OLFML1: variants seen among roughly 807,000 people sequenced by gnomAD.
OLFML1 encodes olfactomedin like 1, also known as olfactomedin-like protein 1.
OLFML1 carries 33 observed loss-of-function variants against 37.3 expected under a neutral mutation model. The ratio of observed to expected loss-of-function variants is 0.88; its 90% CI spans 0.67 to 1.18. The LOEUF is 1.18. Ranked by LOEUF, OLFML1 falls within the 50% of genes most tolerant of loss-of-function variation. The pLI, the probability that OLFML1 is intolerant of heterozygous loss-of-function variation, is 0.00. For missense variants in OLFML1, 545 were observed against 483.7 expected, an observed-to-expected ratio of 1.13 and a Z score of -1.19; for synonymous variants, 186 against 181.3, an observed-to-expected ratio of 1.03 and a Z score of -0.21.
rs1590065504 is a variant in OLFML1, at chr11:7,510,417, C to T, written c.*229C>T. 4 of 488,432 alleles carry T rather than the reference C, an allele frequency of 8.2e-6. No homozygotes were observed. The highest frequency in any genetic ancestry group is 1.5e-5 in the Non-Finnish European group (4 of 275,346). The allele number at this position is 488,432 out of a possible 1,614,324, so 30.3% of individuals were successfully genotyped here. On this transcript the variant is annotated 3_prime_UTR_variant, in exon 3 of 3. Transcript: ENST00000329293. ...GTTTCAACAATGTCCATTACTCCCC[C>T]AAACCTCCTGGCTCTCAAGGATGAC...
Position 7,485,939 on chromosome 11 carries a change from C to T in OLFML1, c.64C>T (p.Pro22Ser). The T allele has an allele frequency of 1.2e-6, 2 of 1,613,984 alleles. No homozygotes were observed. Among genetic ancestry groups the T allele is most frequent in the African/African-American group, 2.7e-5 (2 of 75,018 alleles). Residue 22 changes from proline to serine, a missense_variant, in exon 1 of 3, where the codon CCG (proline) becomes TCG (serine). Coordinates refer to ENST00000329293, the MANE Select transcript of OLFML1 (RefSeq NM_198474.4). ...TCTGTTCCTTGCAGCTTTTCTGCCCCCGCCGCAGTGTACCCAGGACCCAGC... is the reference window on the plus strand; with the variant it reads ...TCTGTTCCTTGCAGCTTTTCTGCCCTCGCCGCAGTGTACCCAGGACCCAGC... ...LVLFLAAFLP[P>S]PQCTQDPAMV...
At chr11:7,504,577 C>A (rs1188568879) in intron 2 of OLFML1, among the ~76,000 whole-genome samples, 1 of 152,122 alleles carries the variant, frequency 6.6e-6, no homozygotes, top group African/African-American at 2.4e-5. Flanking sequence ...GTAGTCCAGG[C>A]AGGAGATGAT....
chr11:7,506,262 G>C (rs767729174), intron 2 of OLFML1, among the ~76,000 whole-genome samples: 24 of 152,134 alleles, frequency 1.6e-4, no homozygotes, highest in Non-Finnish European at 2.9e-4. Flanking sequence ...ACAGAAAAGG[G>C]ATAATTCATC....
intron 2 of OLFML1, among the ~76,000 whole-genome samples, chr11:7,489,655 T>C (rs1457334215): frequency 6.6e-6 from 1 of 152,146 alleles, no homozygotes; most frequent in African/African-American, 2.4e-5. Flanking sequence ...AGTAATAGTG[T>C]TGGCATTAAG....
chr11:7,488,495 C>A, intron 2 of OLFML1, 80 bp downstream of exon 2: 1 of 1,134,496 alleles, frequency 8.8e-7, no homozygotes, highest in Non-Finnish European at 1.2e-6. Flanking sequence ...AGTCAGGGAG[C>A]ATCATAGAGT....
chr11:7,507,631 G>T (rs1030076726), intron 2 of OLFML1, among the ~76,000 whole-genome samples: 1 of 151,102 alleles, frequency 6.6e-6, no homozygotes, highest in African/African-American at 2.4e-5. Context: ...TCACTGCAAT[G>T]TCCGCCTCCT....
intron 2 of OLFML1, among the ~76,000 whole-genome samples, chr11:7,499,095 G>C (rs192804764): frequency 3.3e-5 from 5 of 152,332 alleles, no homozygotes; most frequent in Admixed American, 3.3e-4. Context: ...TAAATCAGGG[G>C]AAAAGTATTT....
intron 2 of OLFML1, among the ~76,000 whole-genome samples, chr11:7,493,000 G>C (rs1344533010): frequency 6.6e-6 from 1 of 152,102 alleles, no homozygotes; most frequent in East Asian, 1.9e-4. Flanking sequence ...ATACTCTTTG[G>C]AAGATTCCAC....
chr11:7,497,702 G>T (rs1848679843), intron 2 of OLFML1, among the ~76,000 whole-genome samples: 1 of 152,160 alleles, frequency 6.6e-6, no homozygotes, highest in Admixed American at 6.5e-5. Context: ...TATCAATAAA[G>T]TTGTTAGGGT....
intron 2 of OLFML1, among the ~76,000 whole-genome samples, chr11:7,498,286 G>C (rs1848685725): frequency 6.6e-6 from 1 of 152,204 alleles, no homozygotes. Context: ...ATTTTGTTTT[G>C]AATAATGAGC....
intron 2 of OLFML1, among the ~76,000 whole-genome samples, chr11:7,498,824 G>C (rs1437083486): frequency 1.3e-5 from 2 of 152,148 alleles, no homozygotes; most frequent in African/African-American, 4.8e-5. Flanking sequence ...TTTTGAGTCT[G>C]ATTTGGTATC....
intron 2 of OLFML1, among the ~76,000 whole-genome samples, chr11:7,500,178 C>T (rs564893434): frequency 6.6e-6 from 1 of 152,242 alleles, no homozygotes. Flanking sequence ...CAGGCATGAG[C>T]CGCTGTGCCC....
Position 7,508,092 on chromosome 11 carries a change from A to T in OLFML1, c.419-1306A>T, listed in dbSNP as rs140487605. On this transcript the variant is annotated intron_variant, in intron 2 of 2. Coordinates refer to ENST00000329293, the MANE Select transcript of OLFML1 (RefSeq NM_198474.4). The stretch of plus-strand genomic sequence containing the variant: ...AAAAGAAAATGTCATTAAGAAAATC[A>T]TAAGGAAAAGAAAATAGATATACGG... 3.9e-3 allele frequency among the ~76,000 whole-genome samples: 601 copies of T among 152,368 alleles called. 6 individuals carry two copies. Among genetic ancestry groups the T allele is most frequent in the African/African-American group, 0.014 (572 of 41,582 alleles).
At chr11:7,507,202 CTG>C (rs1175820039) in intron 2 of OLFML1, among the ~76,000 whole-genome samples, 2 of 152,184 alleles carry the variant, frequency 1.3e-5, no homozygotes, top group African/African-American at 4.8e-5. Context: ...AGCTAGAAAA[CTG>C]TAACTCCTTC....
At position 7,510,117 on chromosome 11, in the gene OLFML1, C is replaced by A; in HGVS notation, c.1138C>A (p.Leu380Ile). ...CCATTACAACCCCAGAGATAAGCAG[C>A]TCTATGCCTGGAATGAAGGAAACCA... The part of the protein sequence containing the change: ...MIHYNPRDKQ[L>I]YAWNEGNQII... Residue 380 changes from leucine (L) to isoleucine (I), a missense_variant, in exon 3 of 3, where the codon CTC becomes ATC. Physicochemically the swap from Leu to Ile is conservative, Grantham distance 5. Transcript: ENST00000329293. 6.2e-7 allele frequency: 1 copy of A among 1,614,152 alleles called. No individual in the cohort carries two copies. The highest frequency in any genetic ancestry group is 8.5e-7 in the Non-Finnish European group (1 of 1,180,032).
chr11:7,507,536 G>A (rs867436156), intron 2 of OLFML1, among the ~76,000 whole-genome samples: 1 of 145,076 alleles, frequency 6.9e-6, no homozygotes. Flanking sequence ...CTTGTGCGTT[G>A]AAAATTTATG....
At position 7,486,021 on chromosome 11, in the gene OLFML1, C is replaced by A; in HGVS notation, c.129+17C>A. The A allele has an allele frequency of 6.2e-7, 1 of 1,611,890 alleles. No individual in the cohort carries two copies. The highest frequency in any genetic ancestry group is 8.5e-7 in the Non-Finnish European group (1 of 1,178,490). ...GTCTTGGAGGTAGGTGGCATCTGTA[C>A]ACCTTGGATAAGTAACAGGCTTCCC... On this transcript the variant is annotated intron_variant, in intron 1 of 2. Transcript: ENST00000329293.
intron 2 of OLFML1, among the ~76,000 whole-genome samples, chr11:7,494,638 C>T (rs1848639428): frequency 6.6e-6 from 1 of 152,128 alleles, no homozygotes; most frequent in African/African-American, 2.4e-5. Flanking sequence ...AGTGTCGGGG[C>T]TCAGAGGAGG....
Position 7,509,855 on chromosome 11 carries a change from G to C in OLFML1, c.876G>C (p.Leu292Phe), listed in dbSNP as rs749620210. ...CTGGGCCAGGCACCCATAGCCATTT[G>C]GTTCTCACAAAGATTGAGCCGGGCA... ...IHSGPGTHSH[L>F]VLTKIEPGTL... The change falls in exon 3 of 3, where the codon TTG (leucine) becomes TTC (phenylalanine). Residue 292 changes from leucine to phenylalanine, a missense_variant. Physicochemically the swap from Leu to Phe is conservative, Grantham distance 22. Coordinates refer to ENST00000329293, the MANE Select transcript of OLFML1 (RefSeq NM_198474.4). 5 of 1,614,126 alleles carry C rather than the reference G, an allele frequency of 3.1e-6. No individual in the cohort carries two copies. Among genetic ancestry groups the C allele is most frequent in the Non-Finnish European group, 4.2e-6 (5 of 1,180,054 alleles).
Sources: allele counts gnomAD v4.1 joint callset (sites outside exome capture counted in the v4.1 genomes callset), GRCh38; gene constraint gnomAD v4.1.1; transcripts MANE v1.5; gene names NCBI Gene and HGNC (gene_info 2026-07-23, HGNC 2026-07-21).